Variants in AKAP12 observed in about 807,000 individuals in gnomAD.
AKAP12 encodes the protein A-kinase anchor protein 12.
A neutral mutation model predicts 79.9 loss-of-function variants in AKAP12; 32 were observed. The observed-to-expected ratio is 0.40, with a 90% CI of 0.30 to 0.54. The LOEUF (loss-of-function observed/expected upper bound fraction) is 0.54. Ranked by LOEUF, AKAP12 falls within the 20% of genes least tolerant of loss-of-function variation. The pLI is 0.48. For missense variants in AKAP12, 2,074 were observed against 2,177.0 expected (o/e 0.95, Z 0.94); for synonymous variants, 808 against 857.0 (o/e 0.94, Z 1.00).
chr6:151,314,966 C>T (rs572711368), intron 3 of AKAP12, among the ~76,000 whole-genome samples: 6 of 151,504 alleles, frequency 4.0e-5, no homozygotes, highest in East Asian at 2.0e-4. Flanking sequence ...GCAGGAGAAT[C>T]GCTTGAACCC....
chr6:151,324,587 T>G (rs1185660159), intron 3 of AKAP12: 3 of 985,432 alleles, frequency 3.0e-6, no homozygotes, highest in Middle Eastern at 1.0e-3. Context: ...GAACAAGATC[T>G]TCATTCTCTG....
At chr6:151,348,414 G>GGGTC (rs1449608478) in intron 3 of AKAP12, 4 of 525,124 alleles carry the variant, frequency 7.6e-6, no homozygotes, top group South Asian at 6.1e-5. Flanking sequence ...TGAGACAGGA[G>GGGTC]GGTCACTTGA....
At chr6:151,274,375 G>A (rs182649848) in intron 2 of AKAP12, among the ~76,000 whole-genome samples, 53 of 152,168 alleles carry the variant, frequency 3.5e-4, no homozygotes, top group Non-Finnish European at 5.1e-4. Context: ...CACTGCACCC[G>A]GCCTACCTTC....
At chr6:151,261,635 A>T (rs1797437511) in intron 2 of AKAP12, among the ~76,000 whole-genome samples, 1 of 151,184 alleles carries the variant, frequency 6.6e-6, no homozygotes, top group Admixed American at 6.6e-5. Context: ...CGGGAGGTGG[A>T]GGTTGCAGTG....
chr6:151,326,229 AAT>A (rs1207802486), intron 3 of AKAP12, among the ~76,000 whole-genome samples: 2 of 152,202 alleles, frequency 1.3e-5, no homozygotes, highest in African/African-American at 4.8e-5. Context: ...ACTGAATAGA[AAT>A]ATGTCAGATT....
chr6:151,278,015 A>G (rs1034193107), intron 2 of AKAP12, among the ~76,000 whole-genome samples: 10 of 151,628 alleles, frequency 6.6e-5, no homozygotes, highest in Non-Finnish European at 1.3e-4. Context: ...ACTATTGTGG[A>G]AGGGAAATAA....
chr6:151,320,463 A>G (rs912494381), intron 3 of AKAP12, among the ~76,000 whole-genome samples: 2 of 151,892 alleles, frequency 1.3e-5, no homozygotes, highest in African/African-American at 4.8e-5. Flanking sequence ...CACTGTTTCC[A>G]TGTTTTAATC....
At chr6:151,354,289 T>C (rs1013965955) in intron 4 of AKAP12, among the ~76,000 whole-genome samples, 2 of 152,224 alleles carry the variant, frequency 1.3e-5, no homozygotes, top group Non-Finnish European at 2.9e-5. Flanking sequence ...TTTTTAAAAA[T>C]TTTCCAGCGC....
chr6:151,311,744 C>G (rs771394970), intron 3 of AKAP12, among the ~76,000 whole-genome samples: 2 of 152,192 alleles, frequency 1.3e-5, no homozygotes, highest in Non-Finnish European at 2.9e-5. Context: ...AACCCACCAG[C>G]TCCTGGTGTA....
At chr6:151,311,328 G>A (rs1272368597) in intron 3 of AKAP12, among the ~76,000 whole-genome samples, 1 of 152,208 alleles carries the variant, frequency 6.6e-6, no homozygotes. Context: ...TACACCAGCA[G>A]CAATGGAGCA....
chr6:151,241,996 A>C (rs1796986085), intron 2 of AKAP12, among the ~76,000 whole-genome samples: 1 of 152,056 alleles, frequency 6.6e-6, no homozygotes, highest in African/African-American at 2.4e-5. Context: ...TTAAGTACTA[A>C]CTGTGTCTCT....
chr6:151,261,019 T>C (rs1161020128), intron 2 of AKAP12, among the ~76,000 whole-genome samples: 1 of 151,870 alleles, frequency 6.6e-6, no homozygotes, highest in Non-Finnish European at 1.5e-5. Flanking sequence ...CCTAAACTCT[T>C]TTTCTTCCAG....
Position 151,326,668 on chromosome 6 carries a change from C to A in AKAP12, c.319+20765C>A, listed in dbSNP as rs193227384. On this transcript the variant is annotated intron_variant, in intron 3 of 4. Transcript: ENST00000402676. ...TAACTTGACATTTGATAGTCTTATGCCATTGTACTGTGGCCTAACCTGCGT... is the reference window on the plus strand; with the variant it reads ...TAACTTGACATTTGATAGTCTTATGACATTGTACTGTGGCCTAACCTGCGT... Among the ~76,000 whole-genome samples the A allele has an allele frequency of 2.6e-5, 4 of 152,190 alleles. No individual in the cohort carries two copies. The East Asian group carries it at 7.7e-4, about 29-fold the overall frequency.
At chr6:151,343,532 A>C (rs1042400860) in intron 3 of AKAP12, among the ~76,000 whole-genome samples, 29 of 152,106 alleles carry the variant, frequency 1.9e-4, no homozygotes, top group Admixed American at 1.6e-3. Context: ...GCCTGTAATC[A>C]CAGCACTTTG....
At chr6:151,309,974 A>T (rs1420172632) in intron 3 of AKAP12, among the ~76,000 whole-genome samples, 2 of 68,370 alleles carry the variant, frequency 2.9e-5, no homozygotes, top group Non-Finnish European at 5.9e-5. Flanking sequence ...GAAAAGATGA[A>T]AAAAAAAAAA....
chr6:151,245,908 A>T (rs1261808547), intron 2 of AKAP12, among the ~76,000 whole-genome samples: 1 of 152,192 alleles, frequency 6.6e-6, no homozygotes, highest in Non-Finnish European at 1.5e-5. Flanking sequence ...AGTCTTTTCC[A>T]TTTAAGAAAA....
At chr6:151,290,612 T>C (rs1776597443) in intron 2 of AKAP12, among the ~76,000 whole-genome samples, 1 of 151,946 alleles carries the variant, frequency 6.6e-6, no homozygotes. Flanking sequence ...CAGATTCTTT[T>C]TTTTTTTTTT....
intron 2 of AKAP12, among the ~76,000 whole-genome samples, chr6:151,271,122 T>G (rs1275173651): frequency 1.3e-5 from 2 of 152,176 alleles, no homozygotes; most frequent in African/African-American, 4.8e-5. Context: ...CCGAAGCAGT[T>G]TCTTCTGTTA....
intron 4 of AKAP12, among the ~76,000 whole-genome samples, chr6:151,354,467 A>G (rs908076062): frequency 7.2e-5 from 11 of 151,998 alleles, no homozygotes; most frequent in South Asian, 2.1e-4. Flanking sequence ...TCCGCCTCCC[A>G]GGTTCACGCC....
Sources: gnomAD v4.1 joint callset for allele counts (sites outside exome capture counted in the v4.1 genomes callset) on GRCh38, gnomAD v4.1.1 for gene constraint, MANE v1.5 for transcripts, NCBI Gene and HGNC (gene_info 2026-07-23, HGNC 2026-07-21) for gene names.